The following MAD1L1 variants were observed in gnomAD, a reference collection of about 807,000 sequenced individuals.
MAD1L1 encodes mitotic arrest deficient 1 like 1, also known as mitotic spindle assembly checkpoint protein MAD1.
In MAD1L1, 95 loss-of-function variants were observed where a neutral mutation model predicts 96.9. The observed-to-expected ratio is 0.98, with a 90% CI of 0.83 to 1.16. The LOEUF (loss-of-function observed/expected upper bound fraction) is 1.16, where lower values mean the gene tolerates loss of function less well. Among genes scored for constraint, MAD1L1 ranks in the 50% most tolerant of loss-of-function variants. The probability of loss-of-function intolerance (pLI) is 0.00; values close to 1 mark genes in which losing one functional copy is unlikely to be tolerated. For missense variants in MAD1L1, 1,007 were observed against 954.4 expected (o/e 1.06, Z -0.73); for synonymous variants, 473 against 396.6 (o/e 1.19, Z -2.29).
At chr7:2,029,470 G>C (rs1783123562) in intron 12 of MAD1L1, among the ~76,000 whole-genome samples, 1 of 152,188 alleles carries the variant, frequency 6.6e-6, no homozygotes, top group Non-Finnish European at 1.5e-5. Context: ...GTGGAGCTGA[G>C]ACATGGATGG....
intron 14 of MAD1L1, among the ~76,000 whole-genome samples, chr7:1,990,091 T>G (rs904012494): frequency 6.6e-6 from 1 of 152,096 alleles, no homozygotes; most frequent in African/African-American, 2.4e-5. Context: ...AGTGCCAGAG[T>G]GAGGGCGTCC....
At chr7:2,031,267 G>A (rs1461092798) in intron 12 of MAD1L1, among the ~76,000 whole-genome samples, 5 of 152,140 alleles carry the variant, frequency 3.3e-5, no homozygotes, top group East Asian at 3.9e-4. Context: ...GCTGTCTTGG[G>A]GTTACCCTCA....
At chr7:1,900,420 C>A (rs577691609) in intron 17 of MAD1L1, among the ~76,000 whole-genome samples, 2 of 152,196 alleles carry the variant, frequency 1.3e-5, no homozygotes. Context: ...TCAGCCCTCG[C>A]CCCAACCTGG....
intron 11 of MAD1L1, among the ~76,000 whole-genome samples, chr7:2,102,737 C>T (rs987710271): frequency 3.3e-5 from 5 of 152,046 alleles, no homozygotes; most frequent in African/African-American, 1.2e-4. Context: ...CCCACCATCA[C>T]CACTGTCACC....
intron 16 of MAD1L1, chr7:1,940,105 G>A (rs11557347): frequency 0.34 from 51,384 of 152,286 alleles, 9,644 homozygotes; most frequent in Admixed American, 0.45. Context: ...AGGGACCTCC[G>A]GCCCCATGGC....
At position 1,985,194 on chromosome 7, in the gene MAD1L1, G is replaced by A. The variant is rs528670617; in HGVS notation, c.1417-4653C>T. 1.1e-4 allele frequency among the ~76,000 whole-genome samples: 17 copies of A among 152,326 alleles called. No individual in the cohort carries two copies. In the South Asian group the frequency reaches 1.5e-3, roughly 13 times the overall value. On this transcript the variant is annotated intron_variant, in intron 14 of 18. Transcript: ENST00000265854. ...AATCGGGGACTCAGCAGACGGCCCC[G>A]GGCAGCATGGGTAGGCCTCCTCCAA...
intron 3 of MAD1L1, among the ~76,000 whole-genome samples, chr7:2,226,434 T>A (rs1185737659): frequency 2.6e-5 from 4 of 151,538 alleles, no homozygotes; most frequent in Non-Finnish European, 2.9e-5. Context: ...GACTAGTGAT[T>A]ACAGGTGAGC....
chr7:2,074,821 AG>A (rs1351417166), intron 11 of MAD1L1, among the ~76,000 whole-genome samples: 1 of 151,390 alleles, frequency 6.6e-6, no homozygotes, highest in Non-Finnish European at 1.5e-5. Context: ...CTGACACTGG[AG>A]GGGAAACCGG....
At chr7:2,073,590 C>T (rs375130426) in intron 11 of MAD1L1, among the ~76,000 whole-genome samples, 4 of 152,250 alleles carry the variant, frequency 2.6e-5, no homozygotes, top group Admixed American at 2.0e-4. Context: ...TCTCGCCTCT[C>T]GTGTCTGGCT....
At position 2,230,033 on chromosome 7, in the gene MAD1L1, G is replaced by A. The variant is rs1476466556; in HGVS notation, c.101C>T (p.Ser34Phe). Reference protein sequence around the residue: ...RVEGGSGLDISTSAPGSLQMQ... With the variant: ...RVEGGSGLDIFTSAPGSLQMQ... ...CTGCAGAGAACCTGGGGCCGAGGTAGAAATATCCAGTCCAGAGCCTCCCTC... is the reference window on the plus strand; with the variant it reads ...CTGCAGAGAACCTGGGGCCGAGGTAAAAATATCCAGTCCAGAGCCTCCCTC... The change falls in exon 3 of 19, where the codon TCT becomes TTT. Residue 34 changes from serine (S) to phenylalanine (F), a missense_variant. Physicochemically the swap from Ser to Phe is radical, Grantham distance 155. Coordinates refer to ENST00000265854, the MANE Select transcript of MAD1L1 (RefSeq NM_001013836.2). 2 of 1,613,790 alleles carry A rather than the reference G, an allele frequency of 1.2e-6. No individual in the cohort carries two copies. Among genetic ancestry groups the A allele is most frequent in the Non-Finnish European group, 1.7e-6 (2 of 1,179,994 alleles).
At chr7:1,977,775 C>G (rs910650654) in intron 15 of MAD1L1, among the ~76,000 whole-genome samples, 10 of 152,264 alleles carry the variant, frequency 6.6e-5, no homozygotes, top group African/African-American at 2.4e-4. Context: ...AAAGGCCCAG[C>G]AGAAAGCAGA....
At chr7:2,028,780 G>A (rs562318999) in intron 12 of MAD1L1, among the ~76,000 whole-genome samples, 5 of 152,290 alleles carry the variant, frequency 3.3e-5, no homozygotes, top group African/African-American at 1.2e-4. Context: ...GCCACCTCAC[G>A]TGAAGGTGTA....
intron 16 of MAD1L1, among the ~76,000 whole-genome samples, chr7:1,948,244 C>T (rs1303936099): frequency 6.6e-6 from 1 of 152,286 alleles, no homozygotes; most frequent in South Asian, 2.1e-4. Context: ...ACAGCCAAGG[C>T]GTCCACGGCA....
chr7:2,043,405 G>A (rs1057290729), intron 12 of MAD1L1, among the ~76,000 whole-genome samples: 5 of 152,226 alleles, frequency 3.3e-5, no homozygotes, highest in African/African-American at 1.2e-4. Flanking sequence ...TGAAAGCAAG[G>A]AAGAGCTCTT....
intron 15 of MAD1L1, among the ~76,000 whole-genome samples, chr7:1,961,045 A>C (rs1266522367): frequency 6.6e-6 from 1 of 152,232 alleles, no homozygotes; most frequent in East Asian, 1.9e-4. Context: ...ATGGAACGGA[A>C]CAGGCCAAGA....
chr7:2,106,931 C>G (rs971948693), intron 11 of MAD1L1, among the ~76,000 whole-genome samples: 2 of 152,174 alleles, frequency 1.3e-5, no homozygotes, highest in Admixed American at 1.3e-4. Context: ...GGGTCCAGAA[C>G]GCAGCTGGCC....
At chr7:1,954,677 C>T (rs1420324134) in intron 16 of MAD1L1, among the ~76,000 whole-genome samples, 4 of 152,214 alleles carry the variant, frequency 2.6e-5, no homozygotes, top group East Asian at 1.9e-4. Context: ...CACTGCAACA[C>T]GTTCAAGACT....
chr7:2,229,848 T>C (rs1225073626), intron 3 of MAD1L1, 136 bp downstream of exon 3: 3 of 963,750 alleles, frequency 3.1e-6, no homozygotes, highest in Non-Finnish European at 4.5e-6. Context: ...GTGCCCATAG[T>C]GAGACCTGGG....
intron 11 of MAD1L1, among the ~76,000 whole-genome samples, chr7:2,092,476 C>A (rs1786266653): frequency 6.6e-6 from 1 of 151,908 alleles, no homozygotes; most frequent in South Asian, 2.1e-4. Flanking sequence ...ACTGTCTTTT[C>A]AACCACGCCC....
Sources: allele counts gnomAD v4.1 joint callset (sites outside exome capture counted in the v4.1 genomes callset), GRCh38; gene constraint gnomAD v4.1.1; transcripts MANE v1.5; gene names NCBI Gene and HGNC (gene_info 2026-07-23, HGNC 2026-07-21).